Variants in CDKL1 observed in about 807,000 individuals in gnomAD.
The protein encoded by CDKL1 is cyclin-dependent kinase-like 1.
CDKL1 carries 41 observed loss-of-function variants against 42.0 expected under a neutral mutation model. The ratio of observed to expected loss-of-function variants is 0.98; its 90% CI spans 0.76 to 1.27. The LOEUF is 1.27. Ranked by LOEUF, CDKL1 falls within the 50% of genes most tolerant of loss-of-function variation. The pLI is 0.00. For missense variants in CDKL1, 394 were observed against 428.4 expected (o/e 0.92, Z 0.71); for synonymous variants, 153 against 158.6 (o/e 0.96, Z 0.26).
chr14:50,361,919 G>A (rs2034260982), intron 2 of CDKL1, among the ~76,000 whole-genome samples: 1 of 152,252 alleles, frequency 6.6e-6, no homozygotes, highest in African/African-American at 2.4e-5. Flanking sequence ...GGCCAAGGCC[G>A]GAGCCGGCTC....
rs55765101 is a variant in CDKL1, at chr14:50,396,185, CAAAAAAAAAAAAAAAAA to C, written c.-334_-318del. ...CGGGCGACAGAGCGAGATTCCGTCT[CAAAAAAAAAAAAAAAAA>C]AAAAAAAAAAAGAAAGAAAGAAAAG... On this transcript the variant is annotated 5_prime_UTR_variant, in exon 2 of 10. Transcript: ENST00000395834. 2.3e-6 allele frequency: 2 copies of C among 856,862 alleles called. No homozygotes were observed. The highest frequency in any genetic ancestry group is 2.7e-6 in the Non-Finnish European group (2 of 754,220). The allele number at this position is 856,862 out of a possible 1,614,324, so 53.1% of individuals were successfully genotyped here. A position where few individuals can be genotyped will look rare whatever the true frequency, so the allele number is the denominator to read the frequency against.
chr14:50,360,670 G>A (rs544192520), intron 2 of CDKL1, among the ~76,000 whole-genome samples: 270 of 151,416 alleles, frequency 1.8e-3, no homozygotes, highest in Non-Finnish European at 2.2e-3. Flanking sequence ...TCCTCCCAAA[G>A]TGCTGGAATT....
intron 2 of CDKL1, among the ~76,000 whole-genome samples, chr14:50,360,964 C>T (rs1274926103): frequency 6.6e-6 from 1 of 152,194 alleles, no homozygotes; most frequent in East Asian, 1.9e-4. Flanking sequence ...ACATGGCTTG[C>T]TTCCACCTTT....
At chr14:50,384,899 C>T (rs982727746) in intron 2 of CDKL1, among the ~76,000 whole-genome samples, 19 of 151,366 alleles carry the variant, frequency 1.3e-4, no homozygotes, top group African/African-American at 2.7e-4. Flanking sequence ...GATGAAATCC[C>T]GTCTCTACTA....
At chr14:50,391,959 A>G (rs1008289425) in intron 2 of CDKL1, among the ~76,000 whole-genome samples, 7 of 152,196 alleles carry the variant, frequency 4.6e-5, no homozygotes, top group Non-Finnish European at 1.0e-4. Context: ...CCATATCATT[A>G]TCTCCACTTT....
At chr14:50,337,267 C>T (rs1246251143) in intron 7 of CDKL1, among the ~76,000 whole-genome samples, 1 of 151,778 alleles carries the variant, frequency 6.6e-6, no homozygotes, top group Non-Finnish European at 1.5e-5. Context: ...CCTCGGCCTC[C>T]CAAAGTGCTG....
intron 3 of CDKL1, among the ~76,000 whole-genome samples, chr14:50,346,514 G>T (rs555366020): frequency 6.6e-6 from 1 of 152,074 alleles, no homozygotes; most frequent in East Asian, 1.9e-4. Context: ...CAGGCTGGAG[G>T]CAGTGGTGCT....
intron 3 of CDKL1, among the ~76,000 whole-genome samples, chr14:50,357,753 C>T (rs535514830): frequency 6.6e-6 from 1 of 152,316 alleles, no homozygotes; most frequent in Admixed American, 6.5e-5. Flanking sequence ...ATGCTACCTT[C>T]TTCTAGAATT....
At chr14:50,335,606 G>T in intron 7 of CDKL1, 1 of 1,534,270 alleles carries the variant, frequency 6.5e-7, no homozygotes, top group African/African-American at 1.4e-5. Context: ...AAACAGGCCA[G>T]TTAAAGAGAC....
rs753382766 is a variant in CDKL1 at position 50,395,881 on chromosome 14, A to C, written c.-13T>G. The C allele has an allele frequency of 9.9e-6, 16 of 1,610,972 alleles. No homozygotes were observed. The highest frequency in any genetic ancestry group is 1.4e-5 in the Non-Finnish European group (16 of 1,177,288). On this transcript the variant is annotated 5_prime_UTR_variant, in exon 2 of 10. It adds an upstream start codon to the 5' untranslated region. Transcript: ENST00000395834. ...CATACTTCTCCATCATAGAGGAATA[A>C]ATCTTCTTAAAATGGATCTTCAGCC... is the stretch of plus-strand genomic sequence containing the variant.
chr14:50,373,597 T>C (rs930898585), intron 2 of CDKL1, among the ~76,000 whole-genome samples: 1 of 152,080 alleles, frequency 6.6e-6, no homozygotes, highest in Admixed American at 6.6e-5. Flanking sequence ...ACCAAAAAAA[T>C]GAGCAAAAGA....
At chr14:50,397,149 G>A (rs772842413), upstream of CDKL1, 69 of 1,366,050 alleles carry the variant, frequency 5.1e-5, 1 homozygote, top group Admixed American at 1.3e-3. Flanking sequence ...CGCGTCTGCG[G>A]AGCAAGACGC....
intron 9 of CDKL1, chr14:50,332,032 C>CTGTGTGA: frequency 1.3e-6 from 2 of 1,538,992 alleles, no homozygotes; most frequent in Non-Finnish European, 1.7e-6. Context: ...GCTGGAAACC[C>CTGTGTGA]TGGCCCCTGT....
intron 2 of CDKL1, among the ~76,000 whole-genome samples, chr14:50,383,651 G>C (rs1481612441): frequency 6.6e-6 from 1 of 151,710 alleles, no homozygotes; most frequent in Non-Finnish European, 1.5e-5. Context: ...GGGCAAAAAA[G>C]CAATAGCATA....
chr14:50,341,092 C>T lies in CDKL1; in HGVS notation c.595G>A (p.Val199Met). ...GCVFAELLSG[V>M]PLWPGKSDVD... ...TCCGATTTTCCTGGCCACAGAGGCA[C>T]TCCTGACAGCAGCTCAGCAAAGACA... The change falls in exon 6 of 10, where the codon GTG (valine) becomes ATG (methionine). Residue 199 changes from valine to methionine, a missense_variant. Coordinates refer to ENST00000395834, the MANE Select transcript of CDKL1 (RefSeq NM_004196.7). 6.2e-7 allele frequency: 1 copy of T among 1,614,200 alleles called. No individual in the cohort carries two copies. Among genetic ancestry groups the T allele is most frequent in the Non-Finnish European group, 8.5e-7 (1 of 1,180,042 alleles).
At chr14:50,348,792 A>G (rs1430254525) in intron 3 of CDKL1, among the ~76,000 whole-genome samples, 3 of 152,208 alleles carry the variant, frequency 2.0e-5, no homozygotes. Context: ...AACAGAAAAA[A>G]GCAACTTAAA....
chr14:50,385,143 C>T (rs758560281), intron 2 of CDKL1, among the ~76,000 whole-genome samples: 2 of 147,150 alleles, frequency 1.4e-5, no homozygotes, highest in South Asian at 2.2e-4. Flanking sequence ...GGAACAAGGT[C>T]GCCACAGTTT....
At chr14:50,391,626 G>A (rs866178457) in intron 2 of CDKL1, among the ~76,000 whole-genome samples, 13 of 151,846 alleles carry the variant, frequency 8.6e-5, no homozygotes, top group African/African-American at 2.4e-4. Context: ...CAAGTGATCC[G>A]CCCGTCTCAG....
At chr14:50,363,576 C>CT (rs1566594773) in intron 2 of CDKL1, among the ~76,000 whole-genome samples, 5 of 152,202 alleles carry the variant, frequency 3.3e-5, no homozygotes, top group African/African-American at 1.2e-4. Context: ...TATTTGCTCC[C>CT]TTGACAGGAT....
Sources: gnomAD v4.1 joint callset for allele counts (sites outside exome capture counted in the v4.1 genomes callset) on GRCh38, gnomAD v4.1.1 for gene constraint, MANE v1.5 for transcripts, NCBI Gene and HGNC (gene_info 2026-07-23, HGNC 2026-07-21) for gene names.